Variants in ATN1 observed in about 807,000 individuals in gnomAD.
The protein encoded by ATN1 is atrophin-1.
Under a neutral mutation model 85.8 loss-of-function variants are expected in ATN1, and 19 were observed. The ratio of observed to expected loss-of-function variants is 0.22; its 90% CI spans 0.15 to 0.32. The LOEUF (loss-of-function observed/expected upper bound fraction) is 0.32, where lower values mean the gene tolerates loss of function less well. ATN1 is among the 10% of genes least tolerant of loss of function. ATN1 has a pLI of 1.00. For synonymous variants in ATN1, 674 were observed against 657.0 expected, an observed-to-expected ratio of 1.03 and a Z score of -0.39; for missense variants, 1,453 against 1,564.5, an observed-to-expected ratio of 0.93 and a Z score of 1.20.
chr12:6,935,120 T>A lies in ATN1; in HGVS notation c.280-427T>A, dbSNP rs1043174574. Among the ~76,000 whole-genome samples the A allele has an allele frequency of 3.9e-5, 6 of 152,174 alleles. No homozygotes were observed. Among genetic ancestry groups the A allele is most frequent in the African/African-American group, 1.4e-4 (6 of 41,442 alleles). On this transcript the variant is annotated intron_variant, in intron 4 of 9. Transcript: ENST00000396684. This position sits in a 1 kb window ranked among gnomAD's most constrained non-coding sequence, Gnocchi z 5.3. ...CCAGGCTGGTTTGGAACTCCTGGCATCAAGTGATCCGCCCGCTTCAGCTTC... is the reference window on the plus strand; with the variant it reads ...CCAGGCTGGTTTGGAACTCCTGGCAACAAGTGATCCGCCCGCTTCAGCTTC...
At chr12:6,931,582 T>A (rs1945465323) in intron 1 of ATN1, among the ~76,000 whole-genome samples, 1 of 150,808 alleles carries the variant, frequency 6.6e-6, no homozygotes, top group African/African-American at 2.4e-5. Flanking sequence ...GGTGTGGTGG[T>A]GTGCGCTTGT....
chr12:6,933,515 G>T (rs1305035534), intron 1 of ATN1, among the ~76,000 whole-genome samples: 1 of 152,160 alleles, frequency 6.6e-6, no homozygotes. Flanking sequence ...CCTTTGTAAG[G>T]CTCCGTGGAA....
Position 6,941,895 on chromosome 12 carries a change from C to A in ATN1, c.*115C>A. 9.5e-7 allele frequency: 1 copy of A among 1,055,530 alleles called. No homozygotes were observed. The allele number at this position is 1,055,530 out of a possible 1,614,324, so 65.4% of individuals were successfully genotyped here. On this transcript the variant is annotated 3_prime_UTR_variant, in exon 10 of 10. Transcript: ENST00000396684. This position sits in a 1 kb window ranked among gnomAD's most constrained non-coding sequence, Gnocchi z 5.9. ...GAGCCAAGAGGGTGCTGCTCAGTTG[C>A]AGGGCCTCCGCAGCTGGACAGAGAG... is the stretch of plus-strand genomic sequence containing the variant.
chr12:6,941,628 G>C lies in ATN1; in HGVS notation c.3539+74G>C. ...GAGGAGCTGTGGGCATGGTACGGCT[G>C]GGCACCGTGCTCCTGGGGGAGGGAA... On this transcript the variant is annotated intron_variant, in intron 9 of 9. Transcript: ENST00000396684. This position sits in a 1 kb window ranked among gnomAD's most constrained non-coding sequence, Gnocchi z 5.9. The C allele has an allele frequency of 6.3e-7, 1 of 1,596,678 alleles. No homozygotes were observed. The highest frequency in any genetic ancestry group is 8.6e-7 in the Non-Finnish European group (1 of 1,165,004).
chr12:6,939,755 C>T (rs782385322), intron 7 of ATN1, among the ~76,000 whole-genome samples: 1 of 152,186 alleles, frequency 6.6e-6, no homozygotes, highest in African/African-American at 2.4e-5. Flanking sequence ...CCACCCACCT[C>T]GGCCTCCCAA....
chr12:6,930,745 G>T (rs35744286), intron 1 of ATN1, among the ~76,000 whole-genome samples: 3,199 of 152,220 alleles, frequency 0.021, 60 homozygotes, highest in Non-Finnish European at 0.034. Flanking sequence ...GCAGTGAGCC[G>T]AGCCGAGATC....
rs782605849 is a variant in ATN1 at position 6,935,977 on chromosome 12, G to C, written c.710G>C (p.Gly237Ala). 4 of 1,589,758 alleles carry C rather than the reference G, an allele frequency of 2.5e-6. No individual in the cohort carries two copies. The highest frequency in any genetic ancestry group is 2.2e-5 in the East Asian group (1 of 44,682). ...TCTGGACCCCCAATGGGTCCCAAGG[G>C]GGGAGGGGCTGCCTCATCAGTGGGG... is the stretch of plus-strand genomic sequence containing the variant. ...VLSGPPMGPK[G>A]GGAASSVGGP... Residue 237 changes from glycine (G) to alanine (A), a missense_variant, in exon 5 of 10, where the codon GGG becomes GCG. By Grantham distance (60) the Gly-to-Ala change is moderately conservative. Transcript: ENST00000396684. The surrounding 1 kb of genome is among the most constrained non-coding windows in gnomAD (Gnocchi z 5.3).
chr12:6,934,096 A>G lies in ATN1; in HGVS notation c.27+68A>G. On this transcript the variant is annotated intron_variant, in intron 2 of 9. Coordinates refer to ENST00000396684, the MANE Select transcript of ATN1 (RefSeq NM_001940.4). The surrounding 1 kb of genome is among the most constrained non-coding windows in gnomAD (Gnocchi z 4.5). ...GCAAGCTAGGAGGAAGGGTCTAGAG[A>G]AGAAGAACAAATAATGTGCACCATA... is the stretch of plus-strand genomic sequence containing the variant. 6.2e-7 allele frequency: 1 copy of G among 1,613,246 alleles called. No homozygotes were observed. The highest frequency in any genetic ancestry group is 8.5e-7 in the Non-Finnish European group (1 of 1,179,444).
Position 6,935,730 on chromosome 12 carries a change from C to T in ATN1, c.463C>T (p.Pro155Ser). ...CTCATCTTCTGGCCTGTCCCAGGGCCCAGCCCGCCCCTACCACCCACCTCC... is the reference window on the plus strand; with the variant it reads ...CTCATCTTCTGGCCTGTCCCAGGGCTCAGCCCGCCCCTACCACCCACCTCC... ...SDSSSGLSQG[P>S]ARPYHPPPLF... The change falls in exon 5 of 10, where the codon CCA becomes TCA. Residue 155 changes from proline to serine, a missense_variant. Physicochemically the swap from Pro to Ser is moderately conservative, Grantham distance 74 (BLOSUM62 -1). Transcript: ENST00000396684. This position sits in a 1 kb window ranked among gnomAD's most constrained non-coding sequence, Gnocchi z 5.3. 1 of 1,613,880 alleles carries T rather than the reference C, an allele frequency of 6.2e-7. No individual in the cohort carries two copies. Among genetic ancestry groups the T allele is most frequent in the South Asian group, 1.1e-5 (1 of 91,086 alleles).
rs1945629590 is a variant in ATN1, at chr12:6,941,154, A to G, written c.3358+131A>G. 2 of 1,302,286 alleles carry G rather than the reference A, an allele frequency of 1.5e-6. No homozygotes were observed. The highest frequency in any genetic ancestry group is 2.1e-6 in the Non-Finnish European group (2 of 959,468). The allele number at this position is 1,302,286 out of a possible 1,614,324, so 80.7% of individuals were successfully genotyped here. On this transcript the variant is annotated intron_variant, in intron 8 of 9. Coordinates refer to ENST00000396684, the MANE Select transcript of ATN1 (RefSeq NM_001940.4). The surrounding 1 kb of genome is among the most constrained non-coding windows in gnomAD (Gnocchi z 5.9). ...GCCTAGAGGAGCTGGGCATGGGAAT[A>G]GGAGAGCTGGAGCTCTGCCCAAGAG...
At chr12:6,928,753 T>C (rs1555142847) in intron 1 of ATN1, among the ~76,000 whole-genome samples, 1 of 151,870 alleles carries the variant, frequency 6.6e-6, no homozygotes, top group African/African-American at 2.4e-5. Flanking sequence ...GTGAGTGGGG[T>C]TCCGGGCGAA....
upstream of ATN1, among the ~76,000 whole-genome samples, chr12:6,926,049 C>T (rs782408389): frequency 2.0e-5 from 3 of 152,144 alleles, no homozygotes; most frequent in African/African-American, 4.8e-5. Context: ...AGGAGGGAGC[C>T]CAGGAGAAGG....
chr12:6,937,695 G>A lies in ATN1; in HGVS notation c.2294+134G>A, dbSNP rs1945569066. ...AAAGCACGCCCCTCTCCTCCGTCCA[G>A]GCCTAGTGGCCAGTGAGGCCCGCAG... On this transcript the variant is annotated intron_variant, in intron 5 of 9. Transcript: ENST00000396684. This position sits in a 1 kb window ranked among gnomAD's most constrained non-coding sequence, Gnocchi z 6.0. 5 of 1,437,922 alleles carry A rather than the reference G, an allele frequency of 3.5e-6. No individual in the cohort carries two copies. Among genetic ancestry groups the A allele is most frequent in the Non-Finnish European group, 4.6e-6 (5 of 1,096,714 alleles). The allele number at this position is 1,437,922 out of a possible 1,614,324, so 89.1% of individuals were successfully genotyped here. A position where few individuals can be genotyped will look rare whatever the true frequency, so the allele number is the denominator to read the frequency against.
At position 6,937,685 on chromosome 12, in the gene ATN1, C is replaced by T. The variant is rs1945568967; in HGVS notation, c.2294+124C>T. 7.0e-7 allele frequency: 1 copy of T among 1,432,410 alleles called. No individual in the cohort carries two copies. The highest frequency in any genetic ancestry group is 2.5e-5 in the East Asian group (1 of 39,914). 88.7% of individuals were successfully genotyped at this position (1,432,410 alleles called of 1,614,324 possible). On this transcript the variant is annotated intron_variant, in intron 5 of 9. Coordinates refer to ENST00000396684, the MANE Select transcript of ATN1 (RefSeq NM_001940.4). This position sits in a 1 kb window ranked among gnomAD's most constrained non-coding sequence, Gnocchi z 6.0. ...GTGTTTTAGAAAAGCACGCCCCTCTCCTCCGTCCAGGCCTAGTGGCCAGTG... is the reference window on the plus strand; with the variant it reads ...GTGTTTTAGAAAAGCACGCCCCTCTTCTCCGTCCAGGCCTAGTGGCCAGTG...
Position 6,936,675 on chromosome 12 carries a change from T to G in ATN1, c.1408T>G (p.Ser470Ala). 2 of 1,613,208 alleles carry G rather than the reference T, an allele frequency of 1.2e-6. No individual in the cohort carries two copies. Among genetic ancestry groups the G allele is most frequent in the Non-Finnish European group, 1.7e-6 (2 of 1,179,824 alleles). ...GPFPPSTGAQ[S>A]TAHPPVSTHH... ...CTTCCCTCCCTCTACTGGGGCCCAG[T>G]CCACCGCCCACCCACCAGTCTCAAC... The change falls in exon 5 of 10, where the codon TCC becomes GCC. Residue 470 changes from serine (S) to alanine (A), a missense_variant. Transcript: ENST00000396684.
At chr12:6,927,630 G>A (rs1311734936), upstream of ATN1, among the ~76,000 whole-genome samples, 1 of 148,638 alleles carries the variant, frequency 6.7e-6, no homozygotes, top group East Asian at 2.0e-4. Flanking sequence ...AACTCGCGCT[G>A]CGCCTCCCCC....
chr12:6,937,171 G>T lies in ATN1; in HGVS notation c.1904G>T (p.Gly635Val), dbSNP rs782433371. The T allele has an allele frequency of 1.2e-6, 2 of 1,611,096 alleles. No homozygotes were observed. Among genetic ancestry groups the T allele is most frequent in the Admixed American group, 3.3e-5 (2 of 60,012 alleles). The change falls in exon 5 of 10, where the codon GGG (glycine) becomes GTG (valine). Residue 635 changes from glycine (G) to valine (V), a missense_variant. Physicochemically the swap from Gly to Val is moderately radical, Grantham distance 109. Transcript: ENST00000396684. The surrounding 1 kb of genome is among the most constrained non-coding windows in gnomAD (Gnocchi z 6.0). ...PAGYKTASPPGPPPYGKRAPS... is the reference protein window; with the variant it reads ...PAGYKTASPPVPPPYGKRAPS... ...GGCTACAAAACGGCCTCCCCACCTGGGCCCCCACCGTACGGAAAGAGAGCC... is the reference window on the plus strand; with the variant it reads ...GGCTACAAAACGGCCTCCCCACCTGTGCCCCCACCGTACGGAAAGAGAGCC...
chr12:6,933,490 C>T (rs1945492123), intron 1 of ATN1, among the ~76,000 whole-genome samples: 1 of 152,124 alleles, frequency 6.6e-6, no homozygotes, highest in South Asian at 2.1e-4. Context: ...ATGCCCCGCT[C>T]CATTTCTTTA....
Position 6,937,033 on chromosome 12 carries a change from C to T in ATN1, c.1766C>T (p.Ser589Phe), listed in dbSNP as rs1310257193. The change falls in exon 5 of 10, where the codon TCC becomes TTC. Residue 589 changes from serine to phenylalanine, a missense_variant. Transcript: ENST00000396684. The surrounding 1 kb of genome is among the most constrained non-coding windows in gnomAD (Gnocchi z 6.0). ...SQGSYPCSHP[S>F]PSQGPQGAPY... ...GGGTCCTACCCATGTTCACACCCCT[C>T]CCCTTCCCAGGGCCCTCAAGGGGCG... 2 of 1,613,886 alleles carry T rather than the reference C, an allele frequency of 1.2e-6. No homozygotes were observed. Among genetic ancestry groups the T allele is most frequent in the African/African-American group, 2.7e-5 (2 of 74,930 alleles).
Sources: allele counts gnomAD v4.1 joint callset (sites outside exome capture counted in the v4.1 genomes callset), GRCh38; gene constraint gnomAD v4.1.1; non-coding constraint Gnocchi (gnomAD v3.1); transcripts MANE v1.5; gene names NCBI Gene and HGNC (gene_info 2026-07-23, HGNC 2026-07-21).